KHDRBS2: variants seen among roughly 807,000 people sequenced by gnomAD.
KHDRBS2 encodes the protein KH domain-containing, RNA-binding, signal transduction-associated protein 2.
Under a neutral mutation model 44.3 loss-of-function variants are expected in KHDRBS2, and 26 were observed. The ratio of observed to expected loss-of-function variants is 0.59; its 90% CI spans 0.43 to 0.81. The LOEUF (loss-of-function observed/expected upper bound fraction) is 0.81, where lower values mean the gene tolerates loss of function less well. Among genes scored for constraint, KHDRBS2 ranks in the 40% least tolerant of loss-of-function variants. The probability of loss-of-function intolerance (pLI) is 0.00; values close to 1 mark genes in which losing one functional copy is unlikely to be tolerated. For synonymous variants in KHDRBS2, 194 were observed against 151.1 expected, an observed-to-expected ratio of 1.28 and a Z score of -2.08; for missense variants, 476 against 433.1, an observed-to-expected ratio of 1.10 and a Z score of -0.88.
intron 4 of KHDRBS2, among the ~76,000 whole-genome samples, chr6:61,961,446 GAA>G (rs1310254442): frequency 1.4e-5 from 2 of 147,068 alleles, no homozygotes; most frequent in East Asian, 3.9e-4. Context: ...GAAAGAAAGA[GAA>G]AAAAAGAGAT....
chr6:61,651,748 C>T, the KHDRBS2 span, among the ~76,000 whole-genome samples: 1 of 152,066 alleles, frequency 6.6e-6, no homozygotes, highest in African/African-American at 2.4e-5. Flanking sequence ...AATTATGTTC[C>T]ACTCTTGTTT....
intron 6 of KHDRBS2, among the ~76,000 whole-genome samples, chr6:61,886,852 T>C (rs1801026677): frequency 6.6e-6 from 1 of 152,220 alleles, no homozygotes. Context: ...AGTTTCTCTT[T>C]AACTACAGTT....
At chr6:61,944,722 T>A (rs1226638921) in intron 4 of KHDRBS2, among the ~76,000 whole-genome samples, 4 of 152,104 alleles carry the variant, frequency 2.6e-5, no homozygotes, top group Admixed American at 1.3e-4. Context: ...TACCCTGACT[T>A]GATCATTACA....
intron 1 of KHDRBS2, among the ~76,000 whole-genome samples, chr6:62,189,331 T>C (rs1372745858): frequency 2.0e-5 from 3 of 151,796 alleles, no homozygotes; most frequent in African/African-American, 7.3e-5. Flanking sequence ...CCACTTCTTT[T>C]TTTTAAATTT....
At chr6:61,978,963 C>T (rs1214510867) in intron 3 of KHDRBS2, among the ~76,000 whole-genome samples, 1 of 152,016 alleles carries the variant, frequency 6.6e-6, no homozygotes, top group Non-Finnish European at 1.5e-5. Flanking sequence ...ATTGCTTTTG[C>T]ACCAACCTAA....
chr6:62,159,873 C>A (rs1817265823), intron 2 of KHDRBS2, among the ~76,000 whole-genome samples: 1 of 152,096 alleles, frequency 6.6e-6, no homozygotes, highest in African/African-American at 2.4e-5. Flanking sequence ...TCATTGTCTT[C>A]ATATCAAGTA....
chr6:61,752,527 C>T (rs1185520247), intron 6 of KHDRBS2, among the ~76,000 whole-genome samples: 1 of 151,932 alleles, frequency 6.6e-6, no homozygotes, highest in African/African-American at 2.4e-5. Flanking sequence ...TCGTATTATT[C>T]TTAAATTTGC....
At chr6:62,228,939 A>T (rs1422918808) in intron 1 of KHDRBS2, among the ~76,000 whole-genome samples, 1 of 152,144 alleles carries the variant, frequency 6.6e-6, no homozygotes. Flanking sequence ...ACATTCCTGT[A>T]TAGGGTATCT....
At chr6:62,189,183 T>A (rs1364211979) in intron 1 of KHDRBS2, among the ~76,000 whole-genome samples, 4 of 151,728 alleles carry the variant, frequency 2.6e-5, no homozygotes, top group African/African-American at 7.3e-5. Flanking sequence ...GGAAGTCAGG[T>A]ACCATGTCCT....
chr6:61,710,859 G>A (rs1276470687), intron 7 of KHDRBS2, among the ~76,000 whole-genome samples: 2 of 128,208 alleles, frequency 1.6e-5, no homozygotes, highest in Admixed American at 8.6e-5. Flanking sequence ...CATCTAGTAT[G>A]CATAAGCATT....
chr6:61,973,223 T>A (rs1771807198), intron 4 of KHDRBS2, among the ~76,000 whole-genome samples: 1 of 152,218 alleles, frequency 6.6e-6, no homozygotes, highest in Non-Finnish European at 1.5e-5. Flanking sequence ...ATATTTATCA[T>A]CTTCTAAAAC....
intron 6 of KHDRBS2, among the ~76,000 whole-genome samples, chr6:61,852,512 C>G (rs922309282): frequency 1.3e-5 from 2 of 149,396 alleles, no homozygotes; most frequent in Admixed American, 6.8e-5. Context: ...TGCAGTGAGA[C>G]GAGATCGCAC....
At chr6:61,861,215 T>C (rs893925799) in intron 6 of KHDRBS2, among the ~76,000 whole-genome samples, 3 of 152,156 alleles carry the variant, frequency 2.0e-5, no homozygotes, top group Non-Finnish European at 2.9e-5. Context: ...CTCTTTAGTT[T>C]AATTAGATCC....
chr6:61,754,760 G>A (rs961187052), intron 6 of KHDRBS2, among the ~76,000 whole-genome samples: 3 of 152,096 alleles, frequency 2.0e-5, no homozygotes, highest in African/African-American at 7.2e-5. Context: ...AAAAAGATAG[G>A]AGTGCATAGA....
chr6:61,716,073 G>T (rs1380369675), intron 7 of KHDRBS2, among the ~76,000 whole-genome samples: 2 of 151,826 alleles, frequency 1.3e-5, no homozygotes, highest in East Asian at 3.9e-4. Context: ...CTTGTGAGGT[G>T]CTTGTAACTA....
intron 6 of KHDRBS2, among the ~76,000 whole-genome samples, chr6:61,856,865 T>C (rs1224735983): frequency 4.6e-5 from 7 of 152,040 alleles, no homozygotes; most frequent in Admixed American, 4.6e-4. Context: ...ATATATGCAG[T>C]AGTTTTGTTA....
chr6:61,642,554 G>C, the KHDRBS2 span, among the ~76,000 whole-genome samples: 2 of 150,832 alleles, frequency 1.3e-5, no homozygotes, highest in Admixed American at 1.3e-4. Flanking sequence ...CCCAGCTACT[G>C]GGGAGGCTGA....
At chr6:62,187,860 T>A in intron 1 of KHDRBS2, among the ~76,000 whole-genome samples, 1 of 152,128 alleles carries the variant, frequency 6.6e-6, no homozygotes, top group East Asian at 1.9e-4. Flanking sequence ...TATAAAAGAA[T>A]ACCTGAGGCT....
At chr6:61,551,046 T>G in the KHDRBS2 span, among the ~76,000 whole-genome samples, 1 of 152,276 alleles carries the variant, frequency 6.6e-6, no homozygotes, top group South Asian at 2.1e-4. Flanking sequence ...GTTGCTGGGA[T>G]TACAGGCGTG....
Sources: allele counts gnomAD v4.1 joint callset (sites outside exome capture counted in the v4.1 genomes callset), GRCh38; gene constraint gnomAD v4.1.1; transcripts MANE v1.5; gene names NCBI Gene and HGNC (gene_info 2026-07-23, HGNC 2026-07-21).